PCDHA1: variants seen among roughly 807,000 people sequenced by gnomAD.
The protein encoded by PCDHA1 is protocadherin alpha 1.
Under a neutral mutation model 61.3 loss-of-function variants are expected in PCDHA1, and 42 were observed. The ratio of observed to expected loss-of-function variants is 0.69; its 90% CI spans 0.54 to 0.89. The LOEUF is 0.89. Among genes scored for constraint, PCDHA1 ranks in the 40% least tolerant of loss-of-function variants. The pLI is 0.00. For missense variants in PCDHA1, 1,256 were observed against 1,235.3 expected (o/e 1.02, Z -0.25); for synonymous variants, 610 against 553.8 (o/e 1.10, Z -1.43).
At chr5:140,811,370 G>A (rs964805506) in intron 1 of PCDHA1, 7 of 152,158 alleles carry the variant, frequency 4.6e-5, no homozygotes, top group African/African-American at 1.7e-4. Context: ...AGTCTTCCAT[G>A]GTGTATATGT....
At chr5:140,952,797 C>T (rs782258698) in intron 1 of PCDHA1, among the ~76,000 whole-genome samples, 1 of 152,142 alleles carries the variant, frequency 6.6e-6, no homozygotes. Flanking sequence ...TTAACTGGCT[C>T]GCAGTTCTGC....
chr5:140,883,621 C>G (rs368758287), intron 1 of PCDHA1: 2 of 1,613,850 alleles, frequency 1.2e-6, no homozygotes, highest in African/African-American at 2.7e-5. Flanking sequence ...TGAACGACAA[C>G]GCGCCGGCGT....
intron 1 of PCDHA1, among the ~76,000 whole-genome samples, chr5:140,942,981 G>A (rs1242135518): frequency 6.6e-6 from 1 of 152,048 alleles, no homozygotes; most frequent in Non-Finnish European, 1.5e-5. Context: ...TTGGGGCTGG[G>A]TGTGGTGGCT....
chr5:140,924,886 A>G (rs190850675), intron 1 of PCDHA1, among the ~76,000 whole-genome samples: 11 of 137,270 alleles, frequency 8.0e-5, no homozygotes, highest in Admixed American at 3.0e-4. Context: ...CAGAGCAAGA[A>G]CCTGTCTCAA....
Position 140,786,476 on chromosome 5 carries a change from C to A in PCDHA1, c.186C>A (p.Arg62=), listed in dbSNP as rs545622966. The A allele has an allele frequency of 6.2e-7, 1 of 1,613,722 alleles. No homozygotes were observed. Among genetic ancestry groups the A allele is most frequent in the African/African-American group, 1.3e-5 (1 of 75,060 alleles). Residue 62 remains arginine (R), a synonymous_variant, in exon 1 of 4, where the codon CGC becomes CGA. Transcript: ENST00000504120. ...LGLELAELVP[R]LFRVASKTHR... Reference sequence around the variant, plus strand: ...TGGAGCTGGCGGAGCTGGTGCCTCGCCTGTTCCGGGTGGCGTCCAAAACAC... The same window carrying A: ...TGGAGCTGGCGGAGCTGGTGCCTCGACTGTTCCGGGTGGCGTCCAAAACAC...
intron 1 of PCDHA1, among the ~76,000 whole-genome samples, chr5:140,945,772 T>C (rs538344111): frequency 1.3e-5 from 2 of 152,110 alleles, no homozygotes; most frequent in Non-Finnish European, 2.9e-5. Flanking sequence ...GACAATTTGA[T>C]ATCCAGATGC....
chr5:140,945,678 C>T (rs2093827274), intron 1 of PCDHA1, among the ~76,000 whole-genome samples: 1 of 152,078 alleles, frequency 6.6e-6, no homozygotes, highest in Non-Finnish European at 1.5e-5. Context: ...AATAAATCCA[C>T]ACAGTTACTG....
chr5:140,799,299 A>G (rs1252466178), intron 1 of PCDHA1, among the ~76,000 whole-genome samples: 1 of 152,096 alleles, frequency 6.6e-6, no homozygotes, highest in Admixed American at 6.5e-5. Flanking sequence ...CCATTTTGCA[A>G]TTAGTATAAC....
chr5:140,814,203 A>T (rs1765458548), intron 1 of PCDHA1: 1 of 150,724 alleles, frequency 6.6e-6, no homozygotes. Flanking sequence ...TATTTTTTTC[A>T]CTTTTACTTA....
chr5:140,937,493 C>T (rs1158473278), intron 1 of PCDHA1, among the ~76,000 whole-genome samples: 3 of 152,020 alleles, frequency 2.0e-5, no homozygotes, highest in Non-Finnish European at 2.9e-5. Flanking sequence ...GGCACATACC[C>T]GTAATCCCAG....
intron 1 of PCDHA1, among the ~76,000 whole-genome samples, chr5:140,838,485 T>G (rs1233460301): frequency 1.3e-5 from 2 of 151,892 alleles, no homozygotes; most frequent in Non-Finnish European, 2.9e-5. Flanking sequence ...TGTTTTTGAT[T>G]ATTTGCTTTC....
intron 1 of PCDHA1, among the ~76,000 whole-genome samples, chr5:140,888,523 T>C (rs1316582829): frequency 6.6e-6 from 1 of 152,244 alleles, no homozygotes; most frequent in African/African-American, 2.4e-5. Flanking sequence ...AGTTCTGACG[T>C]GAAGTTAAGT....
chr5:140,857,610 C>T (rs1436552212), intron 1 of PCDHA1: 2 of 1,596,344 alleles, frequency 1.3e-6, no homozygotes, highest in South Asian at 2.2e-5. Flanking sequence ...GCGCTGCAGC[C>T]GCTGGACCAC....
chr5:140,981,024 A>G (rs2096915063), intron 2 of PCDHA1, among the ~76,000 whole-genome samples: 2 of 152,112 alleles, frequency 1.3e-5, no homozygotes, highest in Admixed American at 6.5e-5. Flanking sequence ...AAGGCTGTTA[A>G]TATTTGGGGA....
At chr5:140,987,444 C>T (rs2097254283) in intron 3 of PCDHA1, among the ~76,000 whole-genome samples, 2 of 151,998 alleles carry the variant, frequency 1.3e-5, no homozygotes, top group Admixed American at 6.6e-5. Flanking sequence ...TCCCCATGCC[C>T]GAGAGATAAT....
intron 1 of PCDHA1, chr5:140,825,401 T>C (rs112444110): frequency 1.4e-5 from 2 of 144,590 alleles, no homozygotes; most frequent in Non-Finnish European, 3.0e-5. Context: ...TCTAATATAT[T>C]ATATATTTTA....
chr5:140,917,131 G>A (rs572644426), intron 1 of PCDHA1, among the ~76,000 whole-genome samples: 28 of 152,190 alleles, frequency 1.8e-4, no homozygotes, highest in African/African-American at 5.8e-4. Context: ...GACTCCCCAC[G>A]TTGCTCAGCT....
At chr5:140,978,420 G>A (rs1489182751) in intron 1 of PCDHA1, among the ~76,000 whole-genome samples, 3 of 152,220 alleles carry the variant, frequency 2.0e-5, no homozygotes, top group African/African-American at 7.2e-5. Flanking sequence ...AAAAGAGACT[G>A]TTATCAGTTG....
At chr5:140,810,776 T>C (rs924462330) in intron 1 of PCDHA1, 2 of 152,156 alleles carry the variant, frequency 1.3e-5, no homozygotes, top group African/African-American at 4.8e-5. Flanking sequence ...CTTTTTTTAG[T>C]AGTTTTCAAC....
Sources: gnomAD v4.1 joint callset for allele counts (sites outside exome capture counted in the v4.1 genomes callset) on GRCh38, gnomAD v4.1.1 for gene constraint, MANE v1.5 for transcripts, NCBI Gene and HGNC (gene_info 2026-07-23, HGNC 2026-07-21) for gene names.